Variants in SH3TC2 observed in about 807,000 individuals in gnomAD.
SH3TC2 encodes the protein SH3 domain and tetratricopeptide repeat-containing protein 2.
SH3TC2 carries 87 observed loss-of-function variants against 124.5 expected under a neutral mutation model. The observed-to-expected ratio is 0.70, with a 90% CI of 0.59 to 0.84. The LOEUF is 0.84. Among genes scored for constraint, SH3TC2 ranks in the 40% least tolerant of loss-of-function variants. The pLI is 0.00. For missense variants in SH3TC2, 1,536 were observed against 1,566.4 expected (o/e 0.98, Z 0.33); for synonymous variants, 634 against 628.5 (o/e 1.01, Z -0.13).
Position 149,040,348 on chromosome 5 carries a change from C to G in SH3TC2, c.805+256G>C, listed in dbSNP as rs191105025. Among the ~76,000 whole-genome samples, 8 of 152,248 alleles carry G rather than the reference C, an allele frequency of 5.3e-5. No individual in the cohort carries two copies. The East Asian group carries it at 1.4e-3, about 26-fold the overall frequency. Reference sequence around the variant, plus strand: ...TAATTATTCCTGCCATTCCCTAATACCTTCCATCCAGGCCCCCTAGCATCT... The same window carrying G: ...TAATTATTCCTGCCATTCCCTAATAGCTTCCATCCAGGCCCCCTAGCATCT... On this transcript the variant is annotated intron_variant, in intron 7 of 16. Transcript: ENST00000515425.
intron 12 of SH3TC2, among the ~76,000 whole-genome samples, chr5:149,023,502 T>C (rs1438068333): frequency 2.6e-5 from 4 of 152,046 alleles, no homozygotes; most frequent in African/African-American, 9.7e-5. Flanking sequence ...TTTAAGTAGT[T>C]ACTTCAGGAA....
rs544880642 is a variant in SH3TC2 at position 148,998,559 on chromosome 5, C to T, written c.*6152G>A. Reference sequence around the variant, plus strand: ...CTAGAAGTGGCAGCTGGGTTCTCACCTTTGAAATCGTTTTGAAAGCACAGC... The same window carrying T: ...CTAGAAGTGGCAGCTGGGTTCTCACTTTTGAAATCGTTTTGAAAGCACAGC... On this transcript the variant is annotated 3_prime_UTR_variant, in exon 17 of 17. Transcript: ENST00000515425. Among the ~76,000 whole-genome samples the T allele has an allele frequency of 3.9e-5, 6 of 152,336 alleles. No individual in the cohort carries two copies. The South Asian group carries it at 1.0e-3, about 26-fold the overall frequency.
intron 7 of SH3TC2, among the ~76,000 whole-genome samples, chr5:149,040,224 G>T (rs1754345802): frequency 6.6e-6 from 1 of 152,166 alleles, no homozygotes; most frequent in East Asian, 1.9e-4. Flanking sequence ...ATTAGAAAAT[G>T]TTTTGACCAG....
chr5:149,061,964 G>A (rs1037156360), intron 1 of SH3TC2, among the ~76,000 whole-genome samples: 3 of 152,092 alleles, frequency 2.0e-5, no homozygotes, highest in Non-Finnish European at 4.4e-5. Context: ...TCAAGCAGAG[G>A]AAGCAGAATA....
Position 149,028,305 on chromosome 5 carries a change from T to A in SH3TC2, c.1427A>T (p.His476Leu), listed in dbSNP as rs1673272488. Residue 476 changes from histidine to leucine, a missense_variant, in exon 11 of 17, where the codon CAT becomes CTT. Transcript: ENST00000515425. ...NFAPILAFLD[H>L]EGYADHFKSL... ...CTTAAAGTGGTCAGCATAACCCTCATGATCCAGAAAAGCCAATATGGGGGC... is the reference window on the plus strand; with the variant it reads ...CTTAAAGTGGTCAGCATAACCCTCAAGATCCAGAAAAGCCAATATGGGGGC... 2 of 1,613,980 alleles carry A rather than the reference T, an allele frequency of 1.2e-6. No individual in the cohort carries two copies. The highest frequency in any genetic ancestry group is 1.7e-6 in the Non-Finnish European group (2 of 1,180,010).
chr5:149,062,175 T>C (rs1467472950), intron 1 of SH3TC2: 2 of 389,794 alleles, frequency 5.1e-6, no homozygotes, highest in Middle Eastern at 9.9e-4. Flanking sequence ...CTTGGAGCAA[T>C]GTTCCCCTAT....
rs1351957384 is a variant in SH3TC2 at position 148,997,051 on chromosome 5, G to C, written c.*7660C>G. ...ACAAAGCATCTGTACATGAACATGG[G>C]CTCTTCCCAGGCTATTTGTTTTGCA... On this transcript the variant is annotated 3_prime_UTR_variant, in exon 17 of 17. Coordinates refer to ENST00000515425, the MANE Select transcript of SH3TC2 (RefSeq NM_024577.4). Among the ~76,000 whole-genome samples, 1 of 152,192 alleles carries C rather than the reference G, an allele frequency of 6.6e-6. No individual in the cohort carries two copies. The highest frequency in any genetic ancestry group is 1.5e-5 in the Non-Finnish European group (1 of 68,040).
intron 12 of SH3TC2, among the ~76,000 whole-genome samples, chr5:149,016,041 T>C (rs1289702186): frequency 1.3e-5 from 2 of 152,242 alleles, no homozygotes; most frequent in Non-Finnish European, 2.9e-5. Context: ...TTTTGAGCTC[T>C]CAGCTGCTTT....
Position 149,004,609 on chromosome 5 carries a change from G to T in SH3TC2, c.*102C>A. The T allele has an allele frequency of 8.1e-7, 1 of 1,239,974 alleles. No homozygotes were observed. The highest frequency in any genetic ancestry group is 1.1e-6 in the Non-Finnish European group (1 of 889,998). The allele number at this position is 1,239,974 out of a possible 1,614,324, so 76.8% of individuals were successfully genotyped here. ...TTCTTCTTGTGAAATGAGGGGGCTAGGCCAGGTAAGGACTCGGACCCTCCC... is the reference window on the plus strand; with the variant it reads ...TTCTTCTTGTGAAATGAGGGGGCTATGCCAGGTAAGGACTCGGACCCTCCC... On this transcript the variant is annotated 3_prime_UTR_variant, in exon 17 of 17. Transcript: ENST00000515425.
In SH3TC2 at chr5:149,027,768, A is replaced by T; in HGVS notation, c.1964T>A (p.Phe655Tyr). 2.5e-6 allele frequency: 4 copies of T among 1,614,002 alleles called. No individual in the cohort carries two copies. Among genetic ancestry groups the T allele is most frequent in the Non-Finnish European group, 2.5e-6 (3 of 1,179,982 alleles). The change falls in exon 11 of 17, where the codon TTT becomes TAT. Residue 655 changes from phenylalanine to tyrosine, a missense_variant. By Grantham distance (22) the Phe-to-Tyr change is conservative (BLOSUM62 3). Coordinates refer to ENST00000515425, the MANE Select transcript of SH3TC2 (RefSeq NM_024577.4). ...AGAGAGGAGCTGCAGGCGCTCGGCAAAGGGCAGGACCTCCTCGTGCCGGCC... is the reference window on the plus strand; with the variant it reads ...AGAGAGGAGCTGCAGGCGCTCGGCATAGGGCAGGACCTCCTCGTGCCGGCC... ...SLGRHEEVLP[F>Y]AERLQLLSGH... is the part of the protein sequence containing the mutation.
chr5:149,052,681 A>G (rs915904810), intron 1 of SH3TC2, among the ~76,000 whole-genome samples: 38 of 152,246 alleles, frequency 2.5e-4, no homozygotes, highest in African/African-American at 8.9e-4. Context: ...CCTGAAATGT[A>G]TAATTGTCCC....
intron 14 of SH3TC2, 97 bp downstream of exon 14, chr5:149,010,173 C>T: frequency 6.5e-7 from 1 of 1,537,446 alleles, no homozygotes; most frequent in Non-Finnish European, 9.0e-7. Flanking sequence ...GAAATACAAG[C>T]AAGAGAGGAG....
At chr5:149,031,708 CAG>C in intron 8 of SH3TC2, 21 bp from the exon 9 acceptor site, 11 of 1,613,668 alleles carry the variant, frequency 6.8e-6, no homozygotes, top group Non-Finnish European at 8.5e-6. Context: ...GCAAAAAACA[CAG>C]AGACAGATTA....
chr5:149,008,339 A>G, intron 15 of SH3TC2: 2 of 184,502 alleles, frequency 1.1e-5, no homozygotes, highest in South Asian at 2.3e-4. Context: ...CAAGATATTC[A>G]GCTATGTTCT....
chr5:149,009,395 T>C (rs1312063928), intron 14 of SH3TC2, among the ~76,000 whole-genome samples: 3 of 124,500 alleles, frequency 2.4e-5, no homozygotes, highest in East Asian at 2.1e-4. Context: ...AAAGTGGTCA[T>C]TTCTATGTTT....
chr5:149,058,083 A>G (rs1483859574), intron 1 of SH3TC2, among the ~76,000 whole-genome samples: 1 of 152,256 alleles, frequency 6.6e-6, no homozygotes, highest in Non-Finnish European at 1.5e-5. Flanking sequence ...TAGGAAAGAT[A>G]GCTTTCTGAT....
In SH3TC2 at chr5:149,008,939, A is replaced by C. The variant is rs766304299; in HGVS notation, c.3390T>G (p.Asn1130Lys). Residue 1130 changes from asparagine to lysine, a missense_variant, in exon 15 of 17, where the codon AAT becomes AAG. Transcript: ENST00000515425. Reference sequence around the variant, plus strand: ...GGCTAATCTGCAGCTCTGTCAGCTTATTGAAAATCCGGAGCTCAGTTCTCA... The same window carrying C: ...GGCTAATCTGCAGCTCTGTCAGCTTCTTGAAAATCCGGAGCTCAGTTCTCA... ...KAVRTELRIF[N>K]KLTELQISLE... The C allele has an allele frequency of 3.1e-6, 5 of 1,614,218 alleles. No individual in the cohort carries two copies. Among genetic ancestry groups the C allele is most frequent in the Non-Finnish European group, 4.2e-6 (5 of 1,180,044 alleles).
At chr5:149,044,319 A>G (rs2127401351) in intron 4 of SH3TC2, 1 of 513,626 alleles carries the variant, frequency 1.9e-6, no homozygotes. Context: ...GGACACAAAA[A>G]AGCAAACTTC....
intron 12 of SH3TC2, among the ~76,000 whole-genome samples, chr5:149,016,722 G>A (rs995099108): frequency 6.6e-6 from 1 of 151,964 alleles, no homozygotes; most frequent in Non-Finnish European, 1.5e-5. Context: ...TCAGGAGATC[G>A]AGACCATCCT....
Sources: allele counts gnomAD v4.1 joint callset (sites outside exome capture counted in the v4.1 genomes callset), GRCh38; gene constraint gnomAD v4.1.1; transcripts MANE v1.5; gene names NCBI Gene and HGNC (gene_info 2026-07-23, HGNC 2026-07-21).